The following CRISPLD2 variants were observed in gnomAD, a reference collection of about 807,000 sequenced individuals.
CRISPLD2 encodes the protein cysteine-rich secretory protein LCCL domain-containing 2.
CRISPLD2 carries 47 observed loss-of-function variants against 71.1 expected under a neutral mutation model. The ratio of observed to expected loss-of-function variants is 0.66; its 90% CI spans 0.52 to 0.84. The LOEUF (loss-of-function observed/expected upper bound fraction) is 0.84, where lower values mean the gene tolerates loss of function less well. Ranked by LOEUF, CRISPLD2 falls within the 40% of genes least tolerant of loss-of-function variation. The pLI, the probability that CRISPLD2 is intolerant of heterozygous loss-of-function variation, is 0.00. For missense variants in CRISPLD2, 830 were observed against 651.1 expected (o/e 1.27, Z -2.99); for synonymous variants, 317 against 250.1 (o/e 1.27, Z -2.52).
At chr16:84,839,041 G>T in intron 2 of CRISPLD2, 1 of 474,316 alleles carries the variant, frequency 2.1e-6, no homozygotes, top group South Asian at 1.9e-5. Context: ...ATGCACCATG[G>T]TGCCCAGCTA....
rs759125995 is a variant in CRISPLD2 at position 84,889,261 on chromosome 16, C to T, written c.1337C>T (p.Ala446Val). Residue 446 changes from alanine (A) to valine (V), a missense_variant, in exon 14 of 15, where the codon GCG (alanine) becomes GTG (valine). Transcript: ENST00000262424. ...TSSICKTAVH[A>V]GVISNESGGD... ...AGCATCTGCAAGACAGCCGTGCACG[C>T]GGGAGTCATCAGCAACGAGAGTGGG... The T allele has an allele frequency of 8.7e-6, 14 of 1,614,086 alleles. No individual in the cohort carries two copies. Among genetic ancestry groups the T allele is most frequent in the East Asian group, 2.2e-5 (1 of 44,872 alleles).
chr16:84,901,320 C>G (rs1381143328), intron 14 of CRISPLD2, among the ~76,000 whole-genome samples: 1 of 152,106 alleles, frequency 6.6e-6, no homozygotes. Context: ...AAACATCTCT[C>G]CTCTGGGGAG....
rs143526344 is a variant in CRISPLD2 at position 84,838,664 on chromosome 16, G to A, written c.169G>A (p.Glu57Lys). 1.9e-6 allele frequency: 3 copies of A among 1,614,138 alleles called. No individual in the cohort carries two copies. Among genetic ancestry groups the A allele is most frequent in the African/African-American group, 2.7e-5 (2 of 74,950 alleles). The change falls in exon 2 of 15, where the codon GAG becomes AAG. Residue 57 changes from glutamate (E) to lysine (K), a missense_variant. Transcript: ENST00000262424. ...CAGAGCCATCCCCAGGGAGGACAAG[G>A]AGGAGATCCTCATGCTGCACAACAA... ...VRRAIPREDK[E>K]EILMLHNKLR...
chr16:84,851,892 A>T (rs760513665), intron 5 of CRISPLD2, among the ~76,000 whole-genome samples: 1 of 152,266 alleles, frequency 6.6e-6, no homozygotes, highest in African/African-American at 2.4e-5. Context: ...CATCTGAAGT[A>T]TACAGTGCGA....
chr16:84,892,710 T>TCA (rs780166807), intron 14 of CRISPLD2, among the ~76,000 whole-genome samples: 28 of 152,098 alleles, frequency 1.8e-4, no homozygotes, highest in Non-Finnish European at 3.1e-4. Flanking sequence ...GCGTGGTGGC[T>TCA]CACACCTGTA....
intron 7 of CRISPLD2, 30 bp downstream of exon 7, chr16:84,867,070 GC>G: frequency 6.2e-7 from 1 of 1,604,024 alleles, no homozygotes. Flanking sequence ...CGCCCCTCCT[GC>G]CCTCCCAGCC....
At chr16:84,836,403 T>A (rs1026415647) in intron 1 of CRISPLD2, 1 of 152,168 alleles carries the variant, frequency 6.6e-6, no homozygotes, top group Admixed American at 6.5e-5. Flanking sequence ...CCTGAGAAGT[T>A]CTGCATTCTT....
chr16:84,889,402 G>T lies in CRISPLD2; in HGVS notation c.1439+39G>T. The T allele has an allele frequency of 1.9e-6, 3 of 1,578,072 alleles. No individual in the cohort carries two copies. The East Asian group carries it at 6.8e-5, about 36-fold the overall frequency. ...CTCCAACCCTTGACACCCAATCCCGGCTGCTAATGGTCCCTCAGGGGGCCT... is the reference window on the plus strand; with the variant it reads ...CTCCAACCCTTGACACCCAATCCCGTCTGCTAATGGTCCCTCAGGGGGCCT... On this transcript the variant is annotated intron_variant, in intron 14 of 14. Transcript: ENST00000262424.
In CRISPLD2 at chr16:84,868,758, C is replaced by T; in HGVS notation, c.854-93C>T. 2.9e-6 allele frequency: 3 copies of T among 1,026,474 alleles called. No individual in the cohort carries two copies. In the South Asian group the frequency reaches 4.0e-5, roughly 14 times the overall value. 63.6% of individuals were successfully genotyped at this position (1,026,474 alleles called of 1,614,324 possible). A position where few individuals can be genotyped will look rare whatever the true frequency, so the allele number is the denominator to read the frequency against. ...TCTTAGTATAGCACGGATTGGATTG[C>T]AGAATGTTCCAGAATGTCCCTCAGC... On this transcript the variant is annotated intron_variant, in intron 7 of 14. Coordinates refer to ENST00000262424, the MANE Select transcript of CRISPLD2 (RefSeq NM_031476.4).
chr16:84,838,122 G>C (rs1916671184), intron 1 of CRISPLD2, among the ~76,000 whole-genome samples: 1 of 152,158 alleles, frequency 6.6e-6, no homozygotes, highest in Admixed American at 6.5e-5. Flanking sequence ...ATGAATAAGA[G>C]ATGCTGACTC....
At chr16:84,901,985 C>T (rs141515591) in intron 14 of CRISPLD2, among the ~76,000 whole-genome samples, 61 of 149,798 alleles carry the variant, frequency 4.1e-4, no homozygotes, top group Admixed American at 1.7e-3. Context: ...TTTTTGGTAG[C>T]GATGGGGTTT....
chr16:84,871,328 G>A (rs2071467357), intron 8 of CRISPLD2, among the ~76,000 whole-genome samples: 2 of 152,034 alleles, frequency 1.3e-5, no homozygotes. Flanking sequence ...GGTCAAGGTG[G>A]GTGGATTGCT....
chr16:84,898,735 C>A (rs975115055), intron 14 of CRISPLD2, among the ~76,000 whole-genome samples: 4 of 152,230 alleles, frequency 2.6e-5, no homozygotes, highest in African/African-American at 9.6e-5. Context: ...TGCTGCCCAG[C>A]ACTTGGCACA....
At position 84,849,480 on chromosome 16, in the gene CRISPLD2, A is replaced by C. The variant is rs949995417; in HGVS notation, c.455A>C (p.Glu152Ala). The C allele has an allele frequency of 6.2e-7, 1 of 1,614,022 alleles. No individual in the cohort carries two copies. The highest frequency in any genetic ancestry group is 8.5e-7 in the Non-Finnish European group (1 of 1,179,974). ...AGCGAGTGCAACCCCTGGTGTCCAG[A>C]GAGGTGCTCGGGGCCCATGTGCACG... Reference protein sequence around the residue: ...YPSECNPWCPERCSGPMCTHY... With the variant: ...YPSECNPWCPARCSGPMCTHY... The change falls in exon 4 of 15, where the codon GAG becomes GCG. Residue 152 changes from glutamate (E) to alanine (A), a missense_variant. Coordinates refer to ENST00000262424, the MANE Select transcript of CRISPLD2 (RefSeq NM_031476.4).
At chr16:84,868,964 C>T in intron 8 of CRISPLD2, 53 bp downstream of exon 8, 1 of 1,491,826 alleles carries the variant, frequency 6.7e-7, no homozygotes, top group Non-Finnish European at 9.2e-7. Flanking sequence ...CTGTGCTGGG[C>T]TGTCCTACCA....
intron 13 of CRISPLD2, among the ~76,000 whole-genome samples, chr16:84,886,814 CCCG>C (rs1380002744): frequency 6.6e-6 from 1 of 152,082 alleles, no homozygotes; most frequent in East Asian, 1.9e-4. Context: ...GATCCTGTCC[CCCG>C]ACAAAAAAAT....
At position 84,854,165 on chromosome 16, in the gene CRISPLD2, G is replaced by A. The variant is rs28704490; in HGVS notation, c.609-564G>A. Among the ~76,000 whole-genome samples, 537 of 152,336 alleles carry A rather than the reference G, an allele frequency of 3.5e-3. 5 individuals are homozygous for A. Among genetic ancestry groups the A allele is most frequent in the African/African-American group, 0.012 (515 of 41,560 alleles). Reference sequence around the variant, plus strand: ...CCGCCACTTGCTTGTCCTGTGACCTGGGGCAAGTCACTTAACCTCACTGTG... The same window carrying A: ...CCGCCACTTGCTTGTCCTGTGACCTAGGGCAAGTCACTTAACCTCACTGTG... On this transcript the variant is annotated intron_variant, in intron 5 of 14. Transcript: ENST00000262424.
chr16:84,842,499 G>C (rs1916801934), intron 2 of CRISPLD2, among the ~76,000 whole-genome samples: 1 of 150,860 alleles, frequency 6.6e-6, no homozygotes, highest in Admixed American at 6.6e-5. Context: ...TCAGCCTCCT[G>C]AGTAGCTGGA....
intron 2 of CRISPLD2, among the ~76,000 whole-genome samples, chr16:84,845,581 C>T (rs1916889601): frequency 6.6e-6 from 1 of 152,242 alleles, no homozygotes; most frequent in Admixed American, 6.5e-5. Flanking sequence ...AAGTTAGAGG[C>T]CCAGCAGGAG....
Sources: gnomAD v4.1 joint callset for allele counts (sites outside exome capture counted in the v4.1 genomes callset) on GRCh38, gnomAD v4.1.1 for gene constraint, MANE v1.5 for transcripts, NCBI Gene and HGNC (gene_info 2026-07-23, HGNC 2026-07-21) for gene names.